The following RAB3GAP1 variants were observed in gnomAD, a reference collection of about 807,000 sequenced individuals.
The protein encoded by RAB3GAP1 is rab3 GTPase-activating protein catalytic subunit.
RAB3GAP1 carries 86 observed loss-of-function variants against 130.7 expected under a neutral mutation model. That is an observed-to-expected ratio of 0.66 (90% confidence interval 0.55 to 0.79). RAB3GAP1 has a LOEUF of 0.79. Among genes scored for constraint, RAB3GAP1 ranks in the 30% least tolerant of loss-of-function variants. RAB3GAP1 has a pLI of 0.00. For missense variants in RAB3GAP1, 1,029 were observed against 1,169.4 expected (o/e 0.88, Z 1.75); for synonymous variants, 367 against 401.7 (o/e 0.91, Z 1.03).
chr2:135,072,625 T>A (rs952652602), intron 3 of RAB3GAP1, among the ~76,000 whole-genome samples: 1 of 152,236 alleles, frequency 6.6e-6, no homozygotes, highest in African/African-American at 2.4e-5. Flanking sequence ...ACGTAGACCA[T>A]CTATTATATG....
intron 2 of RAB3GAP1, among the ~76,000 whole-genome samples, chr2:135,053,389 G>C (rs1175981390): frequency 2.0e-5 from 3 of 152,266 alleles, no homozygotes; most frequent in Non-Finnish European, 4.4e-5. Flanking sequence ...ATGAACAGCT[G>C]TCTGGGTGAA....
chr2:135,169,129 C>A lies in RAB3GAP1; in HGVS notation c.*348C>A, dbSNP rs189516775. The stretch of plus-strand genomic sequence containing the variant: ...CTGTGACCAGCCTCTAGGCTAGCGG[C>A]TGCATTCGTGGTCTGTGCAAACACT... On this transcript the variant is annotated 3_prime_UTR_variant, in exon 24 of 24. Coordinates refer to ENST00000264158, the MANE Select transcript of RAB3GAP1 (RefSeq NM_012233.3). The A allele has an allele frequency of 7.7e-6, 3 of 387,616 alleles. No homozygotes were observed. In the East Asian group the frequency reaches 1.8e-4, roughly 23 times the overall value. The allele number at this position is 387,616 out of a possible 1,614,324, so 24.0% of individuals were successfully genotyped here.
At chr2:135,108,310 TCTC>T (rs1449994775) in intron 5 of RAB3GAP1, among the ~76,000 whole-genome samples, 2 of 152,158 alleles carry the variant, frequency 1.3e-5, no homozygotes, top group Non-Finnish European at 2.9e-5. Flanking sequence ...ATACATTTGA[TCTC>T]CTAATAAATT....
downstream of RAB3GAP1, among the ~76,000 whole-genome samples, chr2:135,174,106 C>A (rs1395884006): frequency 1.3e-5 from 2 of 152,248 alleles, no homozygotes; most frequent in Non-Finnish European, 2.9e-5. Flanking sequence ...CCAGCTCCTC[C>A]CCTGGAAGCT....
chr2:135,164,444 T>G (rs1692569137), intron 22 of RAB3GAP1, 150 bp from the exon 23 acceptor site: 3 of 673,742 alleles, frequency 4.5e-6, no homozygotes, highest in Non-Finnish European at 8.3e-6. Flanking sequence ...AATGTCAATC[T>G]TATCTTGCTG....
intron 19 of RAB3GAP1, 97 bp downstream of exon 19, chr2:135,153,973 G>C (rs1204743250): frequency 8.9e-7 from 1 of 1,123,906 alleles, no homozygotes; most frequent in East Asian, 2.5e-5. Flanking sequence ...GGACACACTT[G>C]AGGTGCAAAG....
chr2:135,133,073 TA>T, intron 14 of RAB3GAP1, 89 bp downstream of exon 14: 1 of 826,350 alleles, frequency 1.2e-6, no homozygotes, highest in Non-Finnish European at 2.0e-6. Flanking sequence ...TAGCTTACTA[TA>T]TTTTTATTTT....
intron 2 of RAB3GAP1, 89 bp from the exon 3 acceptor site, chr2:135,057,922 A>C (rs1375105515): frequency 6.2e-6 from 6 of 974,014 alleles, no homozygotes; most frequent in Admixed American, 2.0e-5. Flanking sequence ...AAATTGTTAA[A>C]ATATAAAAAA....
chr2:135,131,100 C>CT (rs1474970079), intron 13 of RAB3GAP1, among the ~76,000 whole-genome samples: 1 of 152,210 alleles, frequency 6.6e-6, no homozygotes, highest in African/African-American at 2.4e-5. Flanking sequence ...TTGTAGGGTG[C>CT]TTCCCAGACC....
chr2:135,088,901 C>T (rs1352751286), intron 3 of RAB3GAP1, among the ~76,000 whole-genome samples: 1 of 152,034 alleles, frequency 6.6e-6, no homozygotes. Flanking sequence ...TGTGCAGAAG[C>T]TCTTTAGTTT....
In RAB3GAP1 at chr2:135,124,574, A is replaced by G. The variant is rs190009868; in HGVS notation, c.830+328A>G. On this transcript the variant is annotated intron_variant, in intron 9 of 23. Coordinates refer to ENST00000264158, the MANE Select transcript of RAB3GAP1 (RefSeq NM_012233.3). Reference sequence around the variant, plus strand: ...CAGCTACTCAAGAGGTTAAGGCACAAGAATCACTTGAACCCGGCAGGCAGA... The same window carrying G: ...CAGCTACTCAAGAGGTTAAGGCACAGGAATCACTTGAACCCGGCAGGCAGA... Among the ~76,000 whole-genome samples the G allele has an allele frequency of 2.6e-4, 39 of 152,352 alleles. No homozygotes were observed. The East Asian group carries it at 6.4e-3, about 25-fold the overall frequency.
At chr2:135,163,398 T>C (rs1418792352) in intron 22 of RAB3GAP1, among the ~76,000 whole-genome samples, 2 of 152,212 alleles carry the variant, frequency 1.3e-5, no homozygotes, top group African/African-American at 4.8e-5. Context: ...GTGGAGGAGC[T>C]GTTAACTGTG....
At chr2:135,124,141 T>G in intron 8 of RAB3GAP1, 24 bp from the exon 9 acceptor site, 1 of 1,600,036 alleles carries the variant, frequency 6.2e-7, no homozygotes, top group Non-Finnish European at 8.6e-7. Context: ...TCCCAAATGA[T>G]GGAAAAATAT....
At chr2:135,072,004 C>T (rs1346533013) in intron 3 of RAB3GAP1, among the ~76,000 whole-genome samples, 1 of 152,188 alleles carries the variant, frequency 6.6e-6, no homozygotes, top group Non-Finnish European at 1.5e-5. Context: ...CCTCCATCTC[C>T]AGGGTTCAAG....
At chr2:135,064,213 AT>A (rs951000214) in intron 3 of RAB3GAP1, among the ~76,000 whole-genome samples, 2 of 152,042 alleles carry the variant, frequency 1.3e-5, no homozygotes, top group Non-Finnish European at 2.9e-5. Flanking sequence ...TTATATTGAT[AT>A]TGGATAAATT....
intron 3 of RAB3GAP1, among the ~76,000 whole-genome samples, chr2:135,067,767 C>T (rs1003329803): frequency 1.3e-5 from 2 of 152,184 alleles, no homozygotes; most frequent in Admixed American, 1.3e-4. Context: ...CTTGCTGTTA[C>T]CCACGCTAGA....
chr2:135,093,580 C>T, intron 4 of RAB3GAP1, 35 bp from the exon 5 acceptor site: 1 of 1,498,734 alleles, frequency 6.7e-7, no homozygotes, highest in Non-Finnish European at 9.3e-7. Flanking sequence ...TGATCATGAA[C>T]ATACTAACTT....
chr2:135,095,064 T>G (rs1353767947), intron 5 of RAB3GAP1, among the ~76,000 whole-genome samples: 2 of 152,190 alleles, frequency 1.3e-5, no homozygotes, highest in Non-Finnish European at 2.9e-5. Flanking sequence ...GGCTTTTTTT[T>G]GTGAAACAGA....
At chr2:135,126,533 C>G (rs764461454) in intron 10 of RAB3GAP1, 50 bp from the exon 11 acceptor site, 6 of 1,476,002 alleles carry the variant, frequency 4.1e-6, no homozygotes, top group Non-Finnish European at 5.7e-6. Context: ...GTTCATGAAT[C>G]TTGCAGATTG....
Sources: gnomAD v4.1 joint callset for allele counts (sites outside exome capture counted in the v4.1 genomes callset) on GRCh38, gnomAD v4.1.1 for gene constraint, MANE v1.5 for transcripts, NCBI Gene and HGNC (gene_info 2026-07-23, HGNC 2026-07-21) for gene names.